SLCO1B3: variants seen among roughly 807,000 people sequenced by gnomAD.
SLCO1B3 encodes solute carrier organic anion transporter family member 1B3.
Under a neutral mutation model 71.8 loss-of-function variants are expected in SLCO1B3, and 72 were observed. The observed-to-expected ratio is 1.00, with a 90% CI of 0.83 to 1.22. SLCO1B3 has a LOEUF of 1.22. SLCO1B3 is among the 50% of genes most tolerant of loss of function. SLCO1B3 has a pLI of 0.00. For synonymous variants in SLCO1B3, 298 were observed against 278.4 expected (o/e 1.07, Z -0.70); for missense variants, 911 against 819.7 (o/e 1.11, Z -1.36).
At chr12:20,890,229 TAA>T (rs75321468) in intron 13 of SLCO1B3, among the ~76,000 whole-genome samples, 2 of 151,578 alleles carry the variant, frequency 1.3e-5, no homozygotes, top group Admixed American at 6.6e-5. Context: ...TCATTTCAAT[TAA>T]AAAAAAAATC....
At position 20,885,859 on chromosome 12, in the gene SLCO1B3, G is replaced by A. The variant is rs547637521; in HGVS notation, c.1682+2257G>A. 3.9e-5 allele frequency among the ~76,000 whole-genome samples: 6 copies of A among 152,136 alleles called. No individual in the cohort carries two copies. The South Asian group carries it at 1.2e-3, about 32-fold the overall frequency. On this transcript the variant is annotated intron_variant, in intron 13 of 15. Coordinates refer to ENST00000381545, the MANE Select transcript of SLCO1B3 (RefSeq NM_019844.4). ...TGTTCAGAAGCCCCAGAGGGTTTAA[G>A]CATTAGTATTACCTAATGCTTAAGG...
chr12:20,823,689 A>T (rs1864365021), intron 3 of SLCO1B3, among the ~76,000 whole-genome samples: 1 of 152,142 alleles, frequency 6.6e-6, no homozygotes, highest in Admixed American at 6.5e-5. Flanking sequence ...GTAAGATTAG[A>T]CGTTTGTGAA....
intron 3 of SLCO1B3, among the ~76,000 whole-genome samples, chr12:20,851,436 CAT>C (rs1394231196): frequency 6.6e-6 from 1 of 152,092 alleles, no homozygotes; most frequent in Admixed American, 6.6e-5. Context: ...AGCATCTTTT[CAT>C]ATGTTTATTG....
chr12:20,822,794 G>A (rs971055522), intron 3 of SLCO1B3, among the ~76,000 whole-genome samples: 3 of 152,166 alleles, frequency 2.0e-5, no homozygotes, highest in African/African-American at 7.2e-5. Flanking sequence ...GTAGCTATCT[G>A]CTTAAGGAAG....
chr12:20,858,581 A>G lies in SLCO1B3; in HGVS notation c.359+10A>G, dbSNP rs1299083709. 6.2e-7 allele frequency: 1 copy of G among 1,602,870 alleles called. No individual in the cohort carries two copies. Reference sequence around the variant, plus strand: ...ATTTCTTCATGGGATAGTAAGTGTTAAACAGCTCTGAGCCATTTATTATCA... The same window carrying G: ...ATTTCTTCATGGGATAGTAAGTGTTGAACAGCTCTGAGCCATTTATTATCA... On this transcript the variant is annotated intron_variant, in intron 5 of 15. Transcript: ENST00000381545.
chr12:20,877,855 T>C lies in SLCO1B3; in HGVS notation c.1054T>C (p.Phe352Leu), dbSNP rs774739984. Residue 352 changes from phenylalanine (F) to leucine (L), a missense_variant, in exon 10 of 16, where the codon TTT becomes CTT. Phe to Leu is a conservative substitution (Grantham distance 22). Coordinates refer to ENST00000381545, the MANE Select transcript of SLCO1B3 (RefSeq NM_019844.4). ...LLLTLLQVSS[F>L]IGSFTYVFKY... ...TTTGACATTGTTACAAGTAAGCAGC[T>C]TTATTGGTTCTTTTACTTACGTCTT... is the stretch of plus-strand genomic sequence containing the variant. 6 of 1,590,408 alleles carry C rather than the reference T, an allele frequency of 3.8e-6. No homozygotes were observed. In the African/African-American group the frequency reaches 5.4e-5, roughly 14 times the overall value.
chr12:20,814,779 C>A (rs1374538945), intron 2 of SLCO1B3, among the ~76,000 whole-genome samples: 2 of 151,868 alleles, frequency 1.3e-5, no homozygotes, highest in Non-Finnish European at 2.9e-5. Context: ...CGCCTGTGGT[C>A]CCAGCTACTC....
chr12:20,900,531 A>G (rs1866108102), intron 14 of SLCO1B3, among the ~76,000 whole-genome samples: 1 of 152,218 alleles, frequency 6.6e-6, no homozygotes, highest in African/African-American at 2.4e-5. Context: ...TATCCCTGGA[A>G]TGCCTCACAG....
intron 5 of SLCO1B3, among the ~76,000 whole-genome samples, chr12:20,859,932 T>G (rs1380672883): frequency 6.7e-6 from 1 of 148,778 alleles, no homozygotes; most frequent in Non-Finnish European, 1.5e-5. Context: ...TACCCTCACC[T>G]CCAAGAAAAG....
intron 3 of SLCO1B3, among the ~76,000 whole-genome samples, chr12:20,820,896 C>G (rs1864288780): frequency 6.6e-6 from 1 of 151,976 alleles, no homozygotes; most frequent in African/African-American, 2.4e-5. Flanking sequence ...GCTCCAGCCA[C>G]CTTTTTAAGA....
intron 12 of SLCO1B3, among the ~76,000 whole-genome samples, 156 bp downstream of exon 12, chr12:20,881,176 G>A (rs1444397760): frequency 1.3e-5 from 2 of 152,138 alleles, no homozygotes; most frequent in Admixed American, 6.5e-5. Flanking sequence ...GCTGTGAAGT[G>A]TAAACAAAGC....
chr12:20,862,185 G>A (rs79578494), intron 6 of SLCO1B3, among the ~76,000 whole-genome samples: 6,609 of 152,132 alleles, frequency 0.043, 231 homozygotes, highest in East Asian at 0.18. Flanking sequence ...AGAAGATCTA[G>A]AATAACATTT....
intron 15 of SLCO1B3, among the ~76,000 whole-genome samples, chr12:20,914,986 T>A (rs536394523): frequency 1.6e-4 from 25 of 152,236 alleles, no homozygotes; most frequent in African/African-American, 5.3e-4. Flanking sequence ...CTATGCATAG[T>A]TTTTCTGGCC....
chr12:20,885,158 C>G (rs977544774), intron 13 of SLCO1B3, among the ~76,000 whole-genome samples: 10 of 152,118 alleles, frequency 6.6e-5, no homozygotes, highest in Non-Finnish European at 1.3e-4. Flanking sequence ...TACCACTTAT[C>G]AGAGCATTTA....
At chr12:20,891,924 T>A (rs934824371) in intron 13 of SLCO1B3, among the ~76,000 whole-genome samples, 1 of 151,868 alleles carries the variant, frequency 6.6e-6, no homozygotes, top group Non-Finnish European at 1.5e-5. Context: ...CCCTATGTTA[T>A]TTTTTTTCAT....
intron 14 of SLCO1B3, among the ~76,000 whole-genome samples, chr12:20,899,800 A>G (rs1866092933): frequency 6.6e-6 from 1 of 152,204 alleles, no homozygotes; most frequent in South Asian, 2.1e-4. Context: ...AAAATAGAAA[A>G]AAATTGAATT....
intron 3 of SLCO1B3, among the ~76,000 whole-genome samples, chr12:20,843,001 C>CGTCT (rs1168361643): frequency 2.6e-5 from 4 of 152,118 alleles, no homozygotes; most frequent in Admixed American, 2.6e-4. Flanking sequence ...TGATCTCAGA[C>CGTCT]TTTTCAACCT....
chr12:20,911,407 T>G (rs141721313), intron 15 of SLCO1B3, among the ~76,000 whole-genome samples: 16 of 152,294 alleles, frequency 1.1e-4, no homozygotes, highest in African/African-American at 3.8e-4. Flanking sequence ...TAGTTTTCTT[T>G]TCTTGTAATG....
intron 15 of SLCO1B3, among the ~76,000 whole-genome samples, chr12:20,912,575 G>T (rs1866406187): frequency 6.7e-6 from 1 of 149,482 alleles, no homozygotes; most frequent in Non-Finnish European, 1.5e-5. Flanking sequence ...CCAGGCTGGA[G>T]TGCAATGGTG....
Sources: gnomAD v4.1 joint callset for allele counts (sites outside exome capture counted in the v4.1 genomes callset) on GRCh38, gnomAD v4.1.1 for gene constraint, MANE v1.5 for transcripts, NCBI Gene and HGNC (gene_info 2026-07-23, HGNC 2026-07-21) for gene names.